The following GUCY1A2 variants were observed in gnomAD, a reference collection of about 807,000 sequenced individuals.
GUCY1A2 encodes the protein guanylate cyclase 1 soluble subunit alpha 2.
Under a neutral mutation model 63.5 loss-of-function variants are expected in GUCY1A2, and 27 were observed. The ratio of observed to expected loss-of-function variants is 0.43; its 90% confidence interval spans 0.31 to 0.59. The LOEUF (loss-of-function observed/expected upper bound fraction) is 0.59, where lower values mean the gene tolerates loss of function less well. GUCY1A2 is among the 20% of genes least tolerant of loss of function. GUCY1A2 has a pLI of 0.11. For missense variants in GUCY1A2, 768 were observed against 913.3 expected (o/e 0.84, Z 2.05); for synonymous variants, 364 against 343.5 (o/e 1.06, Z -0.66).
intron 4 of GUCY1A2, among the ~76,000 whole-genome samples, chr11:106,863,295 C>T (rs1859540413): frequency 6.6e-6 from 1 of 152,106 alleles, no homozygotes; most frequent in South Asian, 2.1e-4. Context: ...GTCTTTAATC[C>T]ACCTCGAGTT....
intron 4 of GUCY1A2, among the ~76,000 whole-genome samples, chr11:106,821,408 T>TA (rs1481605122): frequency 1.3e-5 from 2 of 152,182 alleles, no homozygotes; most frequent in African/African-American, 4.8e-5. Context: ...TCATACACAT[T>TA]AAAGGCACAG....
At chr11:106,878,453 A>G (rs1859781023) in intron 4 of GUCY1A2, among the ~76,000 whole-genome samples, 1 of 152,100 alleles carries the variant, frequency 6.6e-6, no homozygotes, top group Non-Finnish European at 1.5e-5. Context: ...ACCATAAAAA[A>G]GAATGAGATC....
At chr11:106,717,358 TC>T (rs1467753963) in intron 6 of GUCY1A2, among the ~76,000 whole-genome samples, 1 of 152,090 alleles carries the variant, frequency 6.6e-6, no homozygotes, top group Non-Finnish European at 1.5e-5. Flanking sequence ...TAAGTTCCTT[TC>T]CCCCACTTCC....
chr11:106,809,517 G>T (rs1565296907), intron 5 of GUCY1A2, among the ~76,000 whole-genome samples: 1 of 151,916 alleles, frequency 6.6e-6, no homozygotes, highest in Non-Finnish European at 1.5e-5. Flanking sequence ...TTTATATATA[G>T]GTTTTTTTAG....
Position 106,679,204 on chromosome 11 carries a change from A to T in GUCY1A2, c.*8345T>A, listed in dbSNP as rs1251795886. Reference sequence around the variant, plus strand: ...TCTGTTCTAAACAAACTCTATATGAATTAACCAGTTACATGTAAGTGAAAA... The same window carrying T: ...TCTGTTCTAAACAAACTCTATATGATTTAACCAGTTACATGTAAGTGAAAA... On this transcript the variant is annotated 3_prime_UTR_variant, in exon 8 of 8. Transcript: ENST00000526355. The T allele has an allele frequency of 5.4e-6, 1 of 186,912 alleles. No individual in the cohort carries two copies. The highest frequency in any genetic ancestry group is 1.1e-5 in the Non-Finnish European group (1 of 88,624). The allele number at this position is 186,912 out of a possible 1,614,324, so 11.6% of individuals were successfully genotyped here.
intron 6 of GUCY1A2, among the ~76,000 whole-genome samples, chr11:106,753,076 G>A (rs1313707272): frequency 6.6e-6 from 1 of 152,172 alleles, no homozygotes; most frequent in Non-Finnish European, 1.5e-5. Flanking sequence ...GCATGAGATA[G>A]TATCTCATTG....
chr11:106,959,188 G>A, intron 3 of GUCY1A2, among the ~76,000 whole-genome samples: 1 of 152,162 alleles, frequency 6.6e-6, no homozygotes, highest in Non-Finnish European at 1.5e-5. Flanking sequence ...AAACACAAGG[G>A]AAAGGCTGAG....
chr11:106,734,392 G>T (rs2135373846), intron 6 of GUCY1A2, among the ~76,000 whole-genome samples: 1 of 152,108 alleles, frequency 6.6e-6, no homozygotes, highest in East Asian at 1.9e-4. Context: ...TGAGGGTGTT[G>T]CTCTGTCCTA....
chr11:106,912,498 G>A (rs1860309224), intron 4 of GUCY1A2, among the ~76,000 whole-genome samples: 1 of 152,102 alleles, frequency 6.6e-6, no homozygotes, highest in South Asian at 2.1e-4. Flanking sequence ...ACGAGGTTCA[G>A]GGGTTAGTAT....
Position 106,915,643 on chromosome 11 carries a change from G to A in GUCY1A2, c.1206+23817C>T, listed in dbSNP as rs563457543. Reference sequence around the variant, plus strand: ...TGGTGATTATCTCGCTGTAAATTCAGTAGTCACTGAAGCATTTCTAAGTTA... The same window carrying A: ...TGGTGATTATCTCGCTGTAAATTCAATAGTCACTGAAGCATTTCTAAGTTA... On this transcript the variant is annotated intron_variant, in intron 4 of 7. Transcript: ENST00000526355. Among the ~76,000 whole-genome samples, 44 of 145,312 alleles carry A rather than the reference G, an allele frequency of 3.0e-4. 9 individuals carry two copies. The highest frequency in any genetic ancestry group is 9.6e-4 in the South Asian group (4 of 4,178).
intron 1 of GUCY1A2, among the ~76,000 whole-genome samples, chr11:107,001,084 C>G (rs561935208): frequency 1.8e-4 from 28 of 152,276 alleles, no homozygotes; most frequent in African/African-American, 6.5e-4. Flanking sequence ...TTTTCTTCCA[C>G]AAGTTCTGGA....
chr11:106,715,972 CA>C (rs1256294153), intron 6 of GUCY1A2, among the ~76,000 whole-genome samples: 2 of 152,194 alleles, frequency 1.3e-5, no homozygotes, highest in African/African-American at 4.8e-5. Context: ...TCTGGAGAAT[CA>C]GTAGTCTTTC....
chr11:106,849,630 A>G (rs1449801429), intron 4 of GUCY1A2, among the ~76,000 whole-genome samples: 1 of 151,662 alleles, frequency 6.6e-6, no homozygotes, highest in Non-Finnish European at 1.5e-5. Context: ...CTTTTATCAT[A>G]TATCTACAGC....
chr11:106,723,658 A>C (rs1267621447), intron 6 of GUCY1A2, among the ~76,000 whole-genome samples: 1 of 152,188 alleles, frequency 6.6e-6, no homozygotes, highest in Non-Finnish European at 1.5e-5. Flanking sequence ...CCCTGTCTCT[A>C]TTAAAAGTAC....
intron 4 of GUCY1A2, among the ~76,000 whole-genome samples, chr11:106,928,596 T>C (rs939173420): frequency 6.6e-6 from 1 of 151,924 alleles, no homozygotes; most frequent in Non-Finnish European, 1.5e-5. Context: ...ACAAGAGAAA[T>C]ACATCTCAGA....
intron 4 of GUCY1A2, among the ~76,000 whole-genome samples, chr11:106,901,920 T>C (rs957835213): frequency 1.3e-5 from 2 of 152,180 alleles, no homozygotes; most frequent in African/African-American, 2.4e-5. Flanking sequence ...AAGTCTTTGC[T>C]ATTGTGAATA....
chr11:106,991,682 C>G (rs1368684111), intron 1 of GUCY1A2, among the ~76,000 whole-genome samples: 1 of 152,198 alleles, frequency 6.6e-6, no homozygotes, highest in Admixed American at 6.5e-5. Flanking sequence ...TTAATTCAAA[C>G]AGAGTCCCTT....
intron 4 of GUCY1A2, among the ~76,000 whole-genome samples, chr11:106,913,582 G>C (rs1046961422): frequency 1.3e-5 from 2 of 151,846 alleles, no homozygotes; most frequent in African/African-American, 4.8e-5. Context: ...GCCACACTGG[G>C]GATTAAATTT....
At chr11:107,009,721 C>A (rs1861718229) in intron 1 of GUCY1A2, among the ~76,000 whole-genome samples, 1 of 152,140 alleles carries the variant, frequency 6.6e-6, no homozygotes, top group Non-Finnish European at 1.5e-5. Flanking sequence ...ATAACAGCAC[C>A]AATTCACCAC....
Sources: gnomAD v4.1 joint callset for allele counts (sites outside exome capture counted in the v4.1 genomes callset) on GRCh38, gnomAD v4.1.1 for gene constraint, MANE v1.5 for transcripts, NCBI Gene and HGNC (gene_info 2026-07-23, HGNC 2026-07-21) for gene names.